The following GALNT2 variants were observed in gnomAD, a reference collection of about 807,000 sequenced individuals.
The protein encoded by GALNT2 is polypeptide N-acetylgalactosaminyltransferase 2.
In GALNT2, 31 loss-of-function variants were observed where a neutral mutation model predicts 81.4. The ratio of observed to expected loss-of-function variants is 0.38; its 90% CI spans 0.29 to 0.51. The LOEUF (loss-of-function observed/expected upper bound fraction) is 0.51. GALNT2 is among the 20% of genes least tolerant of loss of function. The pLI, the probability that GALNT2 is intolerant of heterozygous loss-of-function variation, is 0.87. For synonymous variants in GALNT2, 303 were observed against 287.4 expected (o/e 1.05, Z -0.55); for missense variants, 629 against 765.7 (o/e 0.82, Z 2.11).
At position 230,262,644 on chromosome 1, in the gene GALNT2, C is replaced by T. The variant is rs756232267; in HGVS notation, c.1208C>T (p.Ala403Val). The T allele has an allele frequency of 6.2e-7, 1 of 1,613,000 alleles. No individual in the cohort carries two copies. Among genetic ancestry groups the T allele is most frequent in the Non-Finnish European group, 8.5e-7 (1 of 1,179,496 alleles). ...TTCTATTATGCAGCAGTGCCTTCTGCTAGAAACGTTCCTTATGGAAAGTAA... is the reference window on the plus strand; with the variant it reads ...TTCTATTATGCAGCAGTGCCTTCTGTTAGAAACGTTCCTTATGGAAAGTAA... ...KNFYYAAVPSARNVPYGNIQS... is the reference protein window; with the variant it reads ...KNFYYAAVPSVRNVPYGNIQS... The change falls in exon 12 of 16, where the codon GCT (alanine) becomes GTT (valine). Residue 403 changes from alanine (A) to valine (V), a missense_variant. Transcript: ENST00000366672.
At position 230,266,008 on chromosome 1, in the gene GALNT2, A is replaced by G. The variant is rs566974592; in HGVS notation, c.1440+641A>G. On this transcript the variant is annotated intron_variant, in intron 14 of 15. Transcript: ENST00000366672. ...GGAGTTCAAGACCAGCCTGGCCGAC[A>G]TGGTGAAACCCATCTCTGCTAAAAA... 6.6e-5 allele frequency among the ~76,000 whole-genome samples: 10 copies of G among 152,302 alleles called. No individual in the cohort carries two copies. The East Asian group carries it at 1.5e-3, about 24-fold the overall frequency.
At chr1:230,094,655 A>G (rs777206509) in intron 1 of GALNT2, among the ~76,000 whole-genome samples, 1 of 152,104 alleles carries the variant, frequency 6.6e-6, no homozygotes, top group Non-Finnish European at 1.5e-5. Context: ...AAACAAAAAC[A>G]CCATATGCTT....
chr1:230,180,310 T>TG (rs910496248), intron 2 of GALNT2, among the ~76,000 whole-genome samples: 22 of 145,972 alleles, frequency 1.5e-4, no homozygotes, highest in African/African-American at 4.6e-4. Flanking sequence ...TTTTTTTTTT[T>TG]TTTTTTTTTT....
At chr1:230,176,461 A>C (rs911001963) in intron 1 of GALNT2, among the ~76,000 whole-genome samples, 10 of 152,214 alleles carry the variant, frequency 6.6e-5, no homozygotes, top group African/African-American at 2.4e-4. Context: ...GCTGGTGTAC[A>C]TAGAAGGCCA....
At chr1:230,101,817 C>T (rs908277018) in intron 1 of GALNT2, among the ~76,000 whole-genome samples, 2 of 152,164 alleles carry the variant, frequency 1.3e-5, no homozygotes, top group Non-Finnish European at 2.9e-5. Flanking sequence ...TGGCCTCCTC[C>T]TCTGGTAATT....
chr1:230,083,000 G>GC (rs1659783528), intron 1 of GALNT2, among the ~76,000 whole-genome samples: 1 of 151,254 alleles, frequency 6.6e-6, no homozygotes, highest in African/African-American at 2.4e-5. Flanking sequence ...AAACAGCAGG[G>GC]AGCTGGAATG....
intron 1 of GALNT2, chr1:230,091,644 T>C (rs770995639): frequency 6.6e-6 from 1 of 152,260 alleles, no homozygotes; most frequent in Non-Finnish European, 1.5e-5. Context: ...ACATCCCAGC[T>C]GCTTTGCCAG....
At chr1:230,194,441 G>T (rs4846924) in intron 2 of GALNT2, among the ~76,000 whole-genome samples, 26,549 of 152,180 alleles carry the variant, frequency 0.17, 2,717 homozygotes, top group African/African-American at 0.28. Flanking sequence ...GGTCTGCTCT[G>T]TCTCTCCAGG....
chr1:230,106,312 G>C (rs1039079194), intron 1 of GALNT2, among the ~76,000 whole-genome samples: 1 of 152,192 alleles, frequency 6.6e-6, no homozygotes, highest in Admixed American at 6.5e-5. Flanking sequence ...TCTGAGAAAC[G>C]ATACTGAATG....
At chr1:230,090,105 A>G (rs1558278869) in intron 1 of GALNT2, among the ~76,000 whole-genome samples, 1 of 152,192 alleles carries the variant, frequency 6.6e-6, no homozygotes, top group Admixed American at 6.5e-5. Context: ...ATGAAGTGGT[A>G]TCTTGTGATT....
intron 2 of GALNT2, among the ~76,000 whole-genome samples, chr1:230,194,060 C>T (rs1663612235): frequency 6.6e-6 from 1 of 152,192 alleles, no homozygotes; most frequent in African/African-American, 2.4e-5. Context: ...AAAACAGATT[C>T]TGAAAAGGTA....
At chr1:230,057,847 C>A (rs996929946), upstream of GALNT2, 4 of 338,288 alleles carry the variant, frequency 1.2e-5, no homozygotes, top group Non-Finnish European at 2.4e-5. Context: ...AGAAGCTTAC[C>A]CTAAAGGAAG....
chr1:230,266,005 G>T (rs746788792), intron 14 of GALNT2, among the ~76,000 whole-genome samples: 1 of 152,108 alleles, frequency 6.6e-6, no homozygotes, highest in African/African-American at 2.4e-5. Context: ...CAGCCTGGCC[G>T]ACATGGTGAA....
At chr1:230,246,262 T>G (rs1665367132) in intron 8 of GALNT2, 112 bp downstream of exon 8, 2 of 843,738 alleles carry the variant, frequency 2.4e-6, no homozygotes, top group East Asian at 4.9e-5. Flanking sequence ...CACGCCGTAG[T>G]GTGTGTTCTG....
At chr1:230,120,058 C>T (rs926510158) in intron 1 of GALNT2, among the ~76,000 whole-genome samples, 1 of 151,348 alleles carries the variant, frequency 6.6e-6, no homozygotes, top group African/African-American at 2.4e-5. Context: ...TCAGGGCGGC[C>T]TGCTTTCCTG....
rs554112810 is a variant in GALNT2, at chr1:230,161,092, A to G, written c.127-17126A>G. The stretch of plus-strand genomic sequence containing the variant: ...TCCCTAGCAAACTGTCCCAAGTGGA[A>G]TGGCCTAACCCAGGAATGATGTATT... On this transcript the variant is annotated intron_variant, in intron 1 of 15. Transcript: ENST00000366672. Among the ~76,000 whole-genome samples the G allele has an allele frequency of 2.2e-4, 34 of 152,330 alleles. No homozygotes were observed. The South Asian group carries it at 6.6e-3, about 30-fold the overall frequency.
rs569064893 is a variant in GALNT2, at chr1:230,249,097, G to A, written c.818-87G>A. 1,478 of 1,282,032 alleles carry A rather than the reference G, an allele frequency of 1.2e-3. 1 individual carries two copies. Among genetic ancestry groups the A allele is most frequent in the Admixed American group, 2.1e-3 (119 of 55,448 alleles). The allele number at this position is 1,282,032 out of a possible 1,614,324, so 79.4% of individuals were successfully genotyped here. A position where few individuals can be genotyped will look rare whatever the true frequency, so the allele number is the denominator to read the frequency against. On this transcript the variant is annotated intron_variant, in intron 8 of 15. Coordinates refer to ENST00000366672, the MANE Select transcript of GALNT2 (RefSeq NM_004481.5). ...TTTCATTGAGTTCTGTCCAAACATCGAATATTTTTAAGCTGTGAGGAATGG... is the reference window on the plus strand; with the variant it reads ...TTTCATTGAGTTCTGTCCAAACATCAAATATTTTTAAGCTGTGAGGAATGG...
At chr1:230,176,531 C>A (rs141898420) in intron 1 of GALNT2, among the ~76,000 whole-genome samples, 1 of 152,224 alleles carries the variant, frequency 6.6e-6, no homozygotes, top group East Asian at 1.9e-4. Context: ...AATCAAGCCT[C>A]AAAATAAAAA....
intron 1 of GALNT2, among the ~76,000 whole-genome samples, chr1:230,105,654 T>G (rs1660522466): frequency 6.6e-6 from 1 of 152,188 alleles, no homozygotes; most frequent in Non-Finnish European, 1.5e-5. Flanking sequence ...TGCATAAATG[T>G]CAGCATTCGA....
Sources: gnomAD v4.1 joint callset for allele counts (sites outside exome capture counted in the v4.1 genomes callset) on GRCh38, gnomAD v4.1.1 for gene constraint, MANE v1.5 for transcripts, NCBI Gene and HGNC (gene_info 2026-07-23, HGNC 2026-07-21) for gene names.